ADARB2: variants seen among roughly 807,000 people sequenced by gnomAD.
ADARB2 encodes the protein adenosine deaminase RNA specific B2 (inactive).
In ADARB2, 25 loss-of-function variants were observed where a neutral mutation model predicts 62.2. The observed-to-expected ratio is 0.40, with a 90% CI of 0.29 to 0.56. The LOEUF (loss-of-function observed/expected upper bound fraction) is 0.56, where lower values mean the gene tolerates loss of function less well. ADARB2 is among the 20% of genes least tolerant of loss of function. The pLI, the probability that ADARB2 is intolerant of heterozygous loss-of-function variation, is 0.43. For synonymous variants in ADARB2, 572 were observed against 500.8 expected, an observed-to-expected ratio of 1.14 and a Z score of -1.90; for missense variants, 1,071 against 1,077.4, an observed-to-expected ratio of 0.99 and a Z score of 0.08.
intron 2 of ADARB2, among the ~76,000 whole-genome samples, chr10:1,365,635 G>A (rs148274677): frequency 1.3e-5 from 2 of 152,190 alleles, no homozygotes; most frequent in Non-Finnish European, 2.9e-5. Context: ...TAATGTCGCA[G>A]TGTTTTCAGG....
At chr10:1,299,168 A>G (rs1831551153) in intron 3 of ADARB2, among the ~76,000 whole-genome samples, 1 of 151,986 alleles carries the variant, frequency 6.6e-6, no homozygotes, top group South Asian at 2.1e-4. Flanking sequence ...TGACTAGGAG[A>G]CCAGATCACA....
rs929371791 is a variant in ADARB2 at position 1,242,350 on chromosome 10, C to T, written c.1193-51G>A. ...AGCGTGGCCCACGGCCCCCGTCTCC[C>T]TCCTCCTCGGTCTTTTCAGGGTCTC... On this transcript the variant is annotated intron_variant, in intron 4 of 9. Coordinates refer to ENST00000381312, the MANE Select transcript of ADARB2 (RefSeq NM_018702.4). 4.0e-6 allele frequency: 6 copies of T among 1,497,336 alleles called. No individual in the cohort carries two copies. In the African/African-American group the frequency reaches 5.5e-5, roughly 14 times the overall value. 92.8% of individuals were successfully genotyped at this position (1,497,336 alleles called of 1,614,324 possible). A position where few individuals can be genotyped will look rare whatever the true frequency, so the allele number is the denominator to read the frequency against.
chr10:1,205,196 A>G (rs1019000360), intron 7 of ADARB2, among the ~76,000 whole-genome samples: 5 of 152,208 alleles, frequency 3.3e-5, no homozygotes, highest in Non-Finnish European at 7.3e-5. Context: ...GGCTGGCGCC[A>G]CGTGGAGATG....
intron 1 of ADARB2, among the ~76,000 whole-genome samples, chr10:1,652,977 C>A (rs1014780458): frequency 3.3e-5 from 5 of 152,186 alleles, no homozygotes; most frequent in Non-Finnish European, 5.9e-5. Context: ...GATGCCAAGC[C>A]CCTCAGACGA....
intron 3 of ADARB2, among the ~76,000 whole-genome samples, chr10:1,278,867 G>T (rs915402723): frequency 1.2e-4 from 18 of 152,280 alleles, no homozygotes; most frequent in African/African-American, 4.1e-4. Context: ...AGCATGGCTT[G>T]GATGCGTTTT....
chr10:1,720,743 C>A (rs115850623), intron 1 of ADARB2, among the ~76,000 whole-genome samples: 303 of 152,218 alleles, frequency 2.0e-3, no homozygotes, highest in African/African-American at 7.0e-3. Context: ...ACGTGGAAAC[C>A]CTGTGGCAAA....
At chr10:1,459,629 G>T (rs11250531) in intron 1 of ADARB2, among the ~76,000 whole-genome samples, 48,726 of 152,054 alleles carry the variant, frequency 0.32, 8,405 homozygotes, top group East Asian at 0.52. Context: ...TGGGCGTGTG[G>T]CACATGCCTG....
chr10:1,350,775 TTAAA>T (rs1385232188), intron 3 of ADARB2, among the ~76,000 whole-genome samples: 1 of 152,114 alleles, frequency 6.6e-6, no homozygotes, highest in Non-Finnish European at 1.5e-5. Flanking sequence ...GCTCCCGACA[TTAAA>T]TAAAACTCCA....
intron 1 of ADARB2, among the ~76,000 whole-genome samples, chr10:1,692,055 T>A (rs1457034886): frequency 6.6e-6 from 1 of 152,230 alleles, no homozygotes; most frequent in Non-Finnish European, 1.5e-5. Context: ...CCTTTAGGGC[T>A]CAATAAACAG....
intron 1 of ADARB2, among the ~76,000 whole-genome samples, chr10:1,564,710 G>A (rs1832834415): frequency 6.6e-6 from 1 of 151,206 alleles, no homozygotes; most frequent in East Asian, 1.9e-4. Flanking sequence ...ACCACAGCGA[G>A]ATACCATCTC....
At chr10:1,590,019 T>C (rs1268158144) in intron 1 of ADARB2, among the ~76,000 whole-genome samples, 2 of 152,212 alleles carry the variant, frequency 1.3e-5, no homozygotes, top group Admixed American at 6.5e-5. Flanking sequence ...CTGGCCTTGC[T>C]GGATTTGGGG....
intron 1 of ADARB2, among the ~76,000 whole-genome samples, chr10:1,564,798 T>TA (rs1554772138): frequency 1.3e-5 from 2 of 151,046 alleles, no homozygotes; most frequent in Non-Finnish European, 3.0e-5. Context: ...TTTTTTTTTT[T>TA]AATTTCTGCC....
At chr10:1,337,062 C>CTG (rs145511384) in intron 3 of ADARB2, among the ~76,000 whole-genome samples, 88,203 of 141,974 alleles carry the variant, frequency 0.62, 30,053 homozygotes, top group Middle Eastern at 0.77. Context: ...TTAAAGATTT[C>CTG]TGTGTGTGTG....
chr10:1,663,292 C>A (rs1834272092), intron 1 of ADARB2, among the ~76,000 whole-genome samples: 1 of 152,116 alleles, frequency 6.6e-6, no homozygotes, highest in South Asian at 2.1e-4. Flanking sequence ...AGTATTGATG[C>A]ATTATTATTG....
At chr10:1,333,694 C>T (rs527612879) in intron 3 of ADARB2, among the ~76,000 whole-genome samples, 3 of 152,174 alleles carry the variant, frequency 2.0e-5, no homozygotes, top group South Asian at 2.1e-4. Flanking sequence ...CAACTGCAGA[C>T]CTCAAAGTCC....
intron 3 of ADARB2, among the ~76,000 whole-genome samples, chr10:1,357,938 T>C (rs1832211998): frequency 6.6e-6 from 1 of 152,236 alleles, no homozygotes; most frequent in South Asian, 2.1e-4. Flanking sequence ...AGCAGGTTTT[T>C]CCTACGTTTG....
intron 1 of ADARB2, among the ~76,000 whole-genome samples, chr10:1,386,700 T>C (rs145358103): frequency 6.6e-6 from 1 of 151,908 alleles, no homozygotes; most frequent in Admixed American, 6.5e-5. Context: ...ACATACATAA[T>C]GCTAGTTTGA....
rs187163107 is a variant in ADARB2, at chr10:1,648,963, C to T, written c.100+88088G>A. ...TAGGTGGAGCAGGACCTACTCAGCACCAGGCGGGCTGCCCCTCCACAGTTT... is the reference window on the plus strand; with the variant it reads ...TAGGTGGAGCAGGACCTACTCAGCATCAGGCGGGCTGCCCCTCCACAGTTT... On this transcript the variant is annotated intron_variant, in intron 1 of 9. Coordinates refer to ENST00000381312, the MANE Select transcript of ADARB2 (RefSeq NM_018702.4). Among the ~76,000 whole-genome samples, 196 of 152,302 alleles carry T rather than the reference C, an allele frequency of 1.3e-3. 1 individual carries two copies. The highest frequency in any genetic ancestry group is 3.7e-3 in the Admixed American group (57 of 15,302).
chr10:1,549,931 C>G lies in ADARB2; in HGVS notation c.101-170771G>C, dbSNP rs541220384. Reference sequence around the variant, plus strand: ...GAGCTCTCTGTGCCCATCCAGGAAGCCTTGAGTTTCTGTTAATATGCAATA... The same window carrying G: ...GAGCTCTCTGTGCCCATCCAGGAAGGCTTGAGTTTCTGTTAATATGCAATA... On this transcript the variant is annotated intron_variant, in intron 1 of 9. Transcript: ENST00000381312. Among the ~76,000 whole-genome samples the G allele has an allele frequency of 1.0e-3, 153 of 152,318 alleles. 1 individual carries two copies. The highest frequency in any genetic ancestry group is 3.5e-3 in the African/African-American group (147 of 41,580).
Sources: gnomAD v4.1 joint callset for allele counts (sites outside exome capture counted in the v4.1 genomes callset) on GRCh38, gnomAD v4.1.1 for gene constraint, MANE v1.5 for transcripts, NCBI Gene and HGNC (gene_info 2026-07-23, HGNC 2026-07-21) for gene names.